The following NECTIN1 variants were observed in gnomAD, a reference collection of about 807,000 sequenced individuals.
NECTIN1 encodes the protein nectin-1.
In NECTIN1, 23 loss-of-function variants were observed where a neutral mutation model predicts 48.0. That is an observed-to-expected ratio of 0.48 (90% CI 0.34 to 0.68). The LOEUF (loss-of-function observed/expected upper bound fraction) is 0.68. NECTIN1 is among the 30% of genes least tolerant of loss of function. The pLI, the probability that NECTIN1 is intolerant of heterozygous loss-of-function variation, is 0.01. For synonymous variants in NECTIN1, 270 were observed against 288.9 expected (o/e 0.93, Z 0.66); for missense variants, 591 against 709.9 (o/e 0.83, Z 1.90).
At chr11:119,691,059 T>C (rs1865243799) in intron 1 of NECTIN1, among the ~76,000 whole-genome samples, 1 of 152,052 alleles carries the variant, frequency 6.6e-6, no homozygotes, top group Admixed American at 6.6e-5. Flanking sequence ...TGAGCTGGAA[T>C]ACCCCAACTC....
At position 119,702,714 on chromosome 11, in the gene NECTIN1, C is replaced by T. The variant is rs140954802; in HGVS notation, c.80-23949G>A. The stretch of plus-strand genomic sequence containing the variant: ...TATAAAAATGGAGAGAGAATAATCA[C>T]TCCCTCAAAGGCTGTAGGGAAGATT... On this transcript the variant is annotated intron_variant, in intron 1 of 5. Transcript: ENST00000264025. Among the ~76,000 whole-genome samples the T allele has an allele frequency of 9.7e-4, 147 of 152,330 alleles. 3 individuals carry two copies. In the East Asian group the frequency reaches 0.014, roughly 15 times the overall value.
chr11:119,669,962 C>CTT (rs535335352), intron 5 of NECTIN1, among the ~76,000 whole-genome samples: 7,139 of 144,362 alleles, frequency 0.049, 637 homozygotes, highest in African/African-American at 0.17. Flanking sequence ...AAAATTACTA[C>CTT]TTTTTTTTTT....
chr11:119,673,152 G>T lies in NECTIN1; in HGVS notation c.1003+2007C>A, dbSNP rs547429073. ...GCTCCCCAGAGAATGTGGCAGGCAC[G>T]GGCCGACGTGGAATGGAGGGTGGTG... On this transcript the variant is annotated intron_variant, in intron 5 of 5. Transcript: ENST00000264025. This position sits in a 1 kb window ranked among gnomAD's most constrained non-coding sequence, Gnocchi z 5.8. 6.6e-6 allele frequency among the ~76,000 whole-genome samples: 1 copy of T among 152,212 alleles called. No homozygotes were observed. The highest frequency in any genetic ancestry group is 2.4e-5 in the African/African-American group (1 of 41,460).
rs1591461291 is a variant in NECTIN1, at chr11:119,680,841, T to C, written c.80-2076A>G. On this transcript the variant is annotated intron_variant, in intron 1 of 5. Coordinates refer to ENST00000264025, the MANE Select transcript of NECTIN1 (RefSeq NM_002855.5). ...AGCCTGTGGGGTGCTTCGGAGCTGA[T>C]GCTCCCTGGGCAGAGGCCCCATGGG... is the stretch of plus-strand genomic sequence containing the variant. Among the ~76,000 whole-genome samples, 2 of 152,330 alleles carry C rather than the reference T, an allele frequency of 1.3e-5. 1 individual carries two copies. Among genetic ancestry groups the C allele is most frequent in the South Asian group, 4.1e-4 (2 of 4,828 alleles).
chr11:119,716,655 G>A (rs1241266084), intron 1 of NECTIN1, among the ~76,000 whole-genome samples: 2 of 152,228 alleles, frequency 1.3e-5, no homozygotes, highest in African/African-American at 2.4e-5. Flanking sequence ...GACCTTCGCC[G>A]GTTCTCTAAC....
chr11:119,725,790 T>C (rs1865899530), intron 1 of NECTIN1, among the ~76,000 whole-genome samples: 1 of 152,120 alleles, frequency 6.6e-6, no homozygotes, highest in Non-Finnish European at 1.5e-5. Flanking sequence ...GTGTTCTCTT[T>C]CCAGACAAAA....
intron 1 of NECTIN1, among the ~76,000 whole-genome samples, chr11:119,690,354 T>TTGCTTCCTTGCCACCCTATGAGCTCTG (rs1865231560): frequency 6.6e-6 from 1 of 152,184 alleles, no homozygotes; most frequent in Non-Finnish European, 1.5e-5. Context: ...AAAGGCTTCC[T>TTGCTTCCTTGCCACCCTATGAGCTCTG]TGCTTCCTTG....
chr11:119,705,987 A>G (rs1401558297), intron 1 of NECTIN1, among the ~76,000 whole-genome samples: 1 of 152,214 alleles, frequency 6.6e-6, no homozygotes, highest in East Asian at 1.9e-4. Flanking sequence ...GTGAAGAAGA[A>G]GCCCTGCACA....
At chr11:119,652,541 G>C (rs769119167) in intron 5 of NECTIN1, among the ~76,000 whole-genome samples, 35 of 152,288 alleles carry the variant, frequency 2.3e-4, no homozygotes, top group Non-Finnish European at 4.7e-4. Context: ...AAAAGCCTTG[G>C]AAACTTTCAA....
At chr11:119,696,939 C>T (rs1027664600) in intron 1 of NECTIN1, among the ~76,000 whole-genome samples, 1 of 152,270 alleles carries the variant, frequency 6.6e-6, no homozygotes, top group Admixed American at 6.5e-5. Flanking sequence ...GCACTAAGAT[C>T]AACAGGAGAC....
At chr11:119,724,691 C>A (rs1181157794) in intron 1 of NECTIN1, among the ~76,000 whole-genome samples, 1 of 152,146 alleles carries the variant, frequency 6.6e-6, no homozygotes, top group Non-Finnish European at 1.5e-5. Flanking sequence ...CCATAGTGAC[C>A]CACAGACACA....
chr11:119,712,075 G>T (rs1329331935), intron 1 of NECTIN1, among the ~76,000 whole-genome samples: 1 of 152,200 alleles, frequency 6.6e-6, no homozygotes, highest in Non-Finnish European at 1.5e-5. Flanking sequence ...GCTCAGGGAG[G>T]GCTGTGTCTT....
rs1005435966 is a variant in NECTIN1, at chr11:119,728,372, T to G, written c.79+103A>C. 1.1e-4 allele frequency: 129 copies of G among 1,184,016 alleles called. 1 individual carries two copies. The Admixed American group carries it at 2.8e-3, about 26-fold the overall frequency. The allele number at this position is 1,184,016 out of a possible 1,614,324, so 73.3% of individuals were successfully genotyped here. On this transcript the variant is annotated intron_variant, in intron 1 of 5. Coordinates refer to ENST00000264025, the MANE Select transcript of NECTIN1 (RefSeq NM_002855.5). ...TACCCAAGCCGTGACCCAACTTTTC[T>G]GGCTCCTTTCACTCCCCACAATCCA... is the stretch of plus-strand genomic sequence containing the variant.
Position 119,720,039 on chromosome 11 carries a change from C to T in NECTIN1, c.79+8436G>A, listed in dbSNP as rs952310217. On this transcript the variant is annotated intron_variant, in intron 1 of 5. Coordinates refer to ENST00000264025, the MANE Select transcript of NECTIN1 (RefSeq NM_002855.5). ...GGAAAGCATGGTGTGCGGGGGAGGG[C>T]AGTGGGGGACCAGTTAGGGTGGTGC... 7.2e-5 allele frequency among the ~76,000 whole-genome samples: 11 copies of T among 152,082 alleles called. 1 individual carries two copies. The highest frequency in any genetic ancestry group is 5.2e-4 in the Admixed American group (8 of 15,280).
chr11:119,645,339 G>A (rs1864383036), intron 5 of NECTIN1, among the ~76,000 whole-genome samples: 1 of 152,166 alleles, frequency 6.6e-6, no homozygotes, highest in Non-Finnish European at 1.5e-5. Flanking sequence ...TGTTCGGAAG[G>A]TCTGGGGCAG....
At chr11:119,638,741 T>C (rs139388001) in exon 7 of NECTIN1, 1 of 1,613,634 alleles carries the variant, frequency 6.2e-7, no homozygotes, top group Non-Finnish European at 8.5e-7. Context: ...CTGGATATCC[T>C]CAGGCACAAG....
downstream of NECTIN1, among the ~76,000 whole-genome samples, chr11:119,660,220 ACGGAGGGATGG>A (rs1459981210): frequency 6.6e-6 from 1 of 152,162 alleles, no homozygotes; most frequent in Admixed American, 6.5e-5. Flanking sequence ...GCGGGGGGTG[ACGGAGGGATGG>A]CTGGGATGGG....
intron 5 of NECTIN1, among the ~76,000 whole-genome samples, chr11:119,646,086 C>T (rs964777005): frequency 6.6e-6 from 1 of 152,230 alleles, no homozygotes; most frequent in African/African-American, 2.4e-5. Flanking sequence ...TTCCTCTAGC[C>T]TGGACTGGCT....
intron 5 of NECTIN1, among the ~76,000 whole-genome samples, chr11:119,648,388 GTGGTGATGGTGGTGA>G (rs1565376800): frequency 5.1e-5 from 1 of 19,490 alleles, no homozygotes; most frequent in Non-Finnish European, 1.1e-4. Context: ...GGTGGTGGTG[GTGGTGATGGTGGTGA>G]TGGTGATGGT....
Sources: allele counts gnomAD v4.1 joint callset (sites outside exome capture counted in the v4.1 genomes callset), GRCh38; gene constraint gnomAD v4.1.1; non-coding constraint Gnocchi (gnomAD v3.1); transcripts MANE v1.5; gene names NCBI Gene and HGNC (gene_info 2026-07-23, HGNC 2026-07-21).